Variants in CEP170 observed in about 807,000 individuals in gnomAD.
CEP170 encodes centrosomal protein of 170 kDa.
A neutral mutation model predicts 151.9 loss-of-function variants in CEP170; 21 were observed. The observed-to-expected ratio is 0.14, with a 90% CI of 0.10 to 0.20. The LOEUF (loss-of-function observed/expected upper bound fraction) is 0.20. CEP170 is among the 10% of genes least tolerant of loss of function. The pLI is 1.00. For missense variants in CEP170, 964 were observed against 1,892.9 expected (o/e 0.51, Z 9.11); for synonymous variants, 356 against 648.8 (o/e 0.55, Z 6.86).
At chr1:243,152,074 A>G (rs910988486) in intron 14 of CEP170, among the ~76,000 whole-genome samples, 18 of 152,188 alleles carry the variant, frequency 1.2e-4, no homozygotes, top group Non-Finnish European at 2.1e-4. Flanking sequence ...TACTGCTCAG[A>G]AAAAAATGAT....
At chr1:243,237,660 G>T (rs2064374161) in intron 1 of CEP170, among the ~76,000 whole-genome samples, 1 of 152,172 alleles carries the variant, frequency 6.6e-6, no homozygotes, top group Non-Finnish European at 1.5e-5. Context: ...CCAGCACTTT[G>T]GGAGGCCGAG....
intron 19 of CEP170, 57 bp from the exon 20 acceptor site, chr1:243,126,795 T>C (rs1006930333): frequency 8.9e-6 from 13 of 1,463,088 alleles, no homozygotes; most frequent in African/African-American, 1.4e-5. Context: ...ATATAAACAC[T>C]GTTCATGATT....
At chr1:243,136,960 C>A (rs1182310740) in intron 16 of CEP170, among the ~76,000 whole-genome samples, 2 of 152,284 alleles carry the variant, frequency 1.3e-5, no homozygotes, top group Non-Finnish European at 2.9e-5. Context: ...GTTGGTATTA[C>A]CCCAGTTGAG....
At chr1:243,177,043 G>A (rs2059301788) in intron 10 of CEP170, among the ~76,000 whole-genome samples, 1 of 152,224 alleles carries the variant, frequency 6.6e-6, no homozygotes, top group South Asian at 2.1e-4. Context: ...AAGATGCACA[G>A]TGTCCAATTC....
chr1:243,178,141 C>T (rs1245599224), intron 10 of CEP170, among the ~76,000 whole-genome samples: 2 of 151,632 alleles, frequency 1.3e-5, no homozygotes, highest in Admixed American at 6.6e-5. Flanking sequence ...CCAGCCTGGC[C>T]AACATGGCAA....
rs377228001 is a variant in CEP170 at position 243,169,754 on chromosome 1, C to T, written c.1717G>A (p.Glu573Lys). 13 of 1,598,174 alleles carry T rather than the reference C, an allele frequency of 8.1e-6. No individual in the cohort carries two copies. The African/African-American group carries it at 1.4e-4, about 17-fold the overall frequency. Residue 573 changes from glutamate (E) to lysine (K), a missense_variant and splice_region_variant, in exon 12 of 20, where the codon GAA (glutamate) becomes AAA (lysine). By Grantham distance (56) the Glu-to-Lys change is moderately conservative. Transcript: ENST00000366542. ...TTGCTTCCAGATGAAGATGTGCCTTCCTAAAGGAGAAAAATAAGAAAACAA... is the reference window on the plus strand; with the variant it reads ...TTGCTTCCAGATGAAGATGTGCCTTTCTAAAGGAGAAAAATAAGAAAACAA... ...LTTSGFHHSEEGTSSSGSKRW... is the reference protein window; with the variant it reads ...LTTSGFHHSEKGTSSSGSKRW...
chr1:243,166,374 G>A (rs1381222413), intron 12 of CEP170, among the ~76,000 whole-genome samples: 2 of 152,106 alleles, frequency 1.3e-5, no homozygotes, highest in Admixed American at 1.3e-4. Context: ...TAAAAGCTAT[G>A]TAAATAGTTG....
At chr1:243,218,328 G>T (rs71652478) in intron 3 of CEP170, among the ~76,000 whole-genome samples, 8 of 152,260 alleles carry the variant, frequency 5.3e-5, no homozygotes, top group African/African-American at 1.7e-4. Context: ...AATGGCACAG[G>T]AGGGGTAGGG....
At chr1:243,213,128 T>C (rs2061967064) in intron 3 of CEP170, among the ~76,000 whole-genome samples, 1 of 152,152 alleles carries the variant, frequency 6.6e-6, no homozygotes, top group Admixed American at 6.5e-5. Context: ...TTTCTTTTTT[T>C]GGTACTATGT....
At chr1:243,143,306 C>G (rs553557889) in intron 14 of CEP170, among the ~76,000 whole-genome samples, 1 of 152,170 alleles carries the variant, frequency 6.6e-6, no homozygotes, top group Non-Finnish European at 1.5e-5. Flanking sequence ...TAGGATTCAT[C>G]TGACTTTATC....
In CEP170 at chr1:243,235,244, C is replaced by CG. The variant is rs1162973857; in HGVS notation, c.-41-9924dup. On this transcript the variant is annotated intron_variant, in intron 1 of 19. Coordinates refer to ENST00000366542, the MANE Select transcript of CEP170 (RefSeq NM_014812.3). ...AAAAAACAAAGAGGACAGGATAACT[C>CG]GGGTGGTGCTCTTCAGGCCGGGGTG... Among the ~76,000 whole-genome samples the CG allele has an allele frequency of 2.0e-5, 3 of 152,216 alleles. No individual in the cohort carries two copies. In the East Asian group the frequency reaches 5.8e-4, roughly 29 times the overall value.
At chr1:243,225,092 A>C (rs2063122027) in intron 2 of CEP170, 84 bp downstream of exon 2, 1 of 681,302 alleles carries the variant, frequency 1.5e-6, no homozygotes, top group African/African-American at 1.9e-5. Context: ...TCTAAATAGC[A>C]CTGTTTTCTA....
intron 4 of CEP170, among the ~76,000 whole-genome samples, chr1:243,207,750 C>T (rs2728324): frequency 0.96 from 129,100 of 135,018 alleles, 62,066 homozygotes; most frequent in East Asian, 1. Flanking sequence ...CCCCAAATAT[C>T]TGGAAACTAA....
intron 14 of CEP170, among the ~76,000 whole-genome samples, chr1:243,145,920 G>T (rs2056430385): frequency 6.6e-6 from 1 of 152,136 alleles, no homozygotes; most frequent in Non-Finnish European, 1.5e-5. Flanking sequence ...AAAGCTCATG[G>T]TTTCCACACT....
At chr1:243,175,728 C>A (rs2059185950) in intron 10 of CEP170, among the ~76,000 whole-genome samples, 1 of 152,178 alleles carries the variant, frequency 6.6e-6, no homozygotes, top group African/African-American at 2.4e-5. Context: ...TGCAAGGCTT[C>A]ACTTCAATTA....
intron 3 of CEP170, among the ~76,000 whole-genome samples, chr1:243,215,918 C>T (rs988318238): frequency 2.2e-4 from 33 of 151,972 alleles, no homozygotes; most frequent in African/African-American, 7.3e-4. Flanking sequence ...GTACTCTTTC[C>T]CTTTATTTCT....
At chr1:243,210,181 A>C (rs541217216) in intron 4 of CEP170, among the ~76,000 whole-genome samples, 1 of 152,332 alleles carries the variant, frequency 6.6e-6, no homozygotes, top group Admixed American at 6.5e-5. Flanking sequence ...TGTTAAGAAA[A>C]TAGTATACTA....
chr1:243,126,920 C>A (rs1558349097), intron 19 of CEP170, among the ~76,000 whole-genome samples, 182 bp from the exon 20 acceptor site: 1 of 152,122 alleles, frequency 6.6e-6, no homozygotes, highest in Non-Finnish European at 1.5e-5. Context: ...AATCACCCAG[C>A]CCTGAATACT....
intron 13 of CEP170, among the ~76,000 whole-genome samples, chr1:243,157,100 T>G (rs1458348414): frequency 6.6e-6 from 1 of 152,246 alleles, no homozygotes; most frequent in African/African-American, 2.4e-5. Context: ...AACTCTCTGC[T>G]GCTTTGACAC....
Sources: allele counts gnomAD v4.1 joint callset (sites outside exome capture counted in the v4.1 genomes callset), GRCh38; gene constraint gnomAD v4.1.1; transcripts MANE v1.5; gene names NCBI Gene and HGNC (gene_info 2026-07-23, HGNC 2026-07-21).